Variants in CDH13 observed in about 807,000 individuals in gnomAD.
The protein encoded by CDH13 is cadherin 13.
In CDH13, 24 loss-of-function variants were observed where a neutral mutation model predicts 63.8. The observed-to-expected ratio is 0.38, with a 90% CI of 0.27 to 0.53. The LOEUF (loss-of-function observed/expected upper bound fraction) is 0.53. Among genes scored for constraint, CDH13 ranks in the 20% least tolerant of loss-of-function variants. The pLI, the probability that CDH13 is intolerant of heterozygous loss-of-function variation, is 0.85. For synonymous variants in CDH13, 503 were observed against 355.3 expected, an observed-to-expected ratio of 1.42 and a Z score of -4.67; for missense variants, 1,049 against 903.1, an observed-to-expected ratio of 1.16 and a Z score of -2.07.
At chr16:83,012,500 CA>C (rs1914267823) in intron 2 of CDH13, among the ~76,000 whole-genome samples, 1 of 152,046 alleles carries the variant, frequency 6.6e-6, no homozygotes, top group South Asian at 2.1e-4. Flanking sequence ...TTCACTTACA[CA>C]GTGCAGAAAA....
intron 1 of CDH13, among the ~76,000 whole-genome samples, chr16:82,667,808 C>G (rs1038404349): frequency 6.6e-6 from 1 of 152,158 alleles, no homozygotes; most frequent in African/African-American, 2.4e-5. Flanking sequence ...TTCTGTACCT[C>G]TGTCTTGCTA....
chr16:83,534,750 T>C (rs2075151263), intron 7 of CDH13, among the ~76,000 whole-genome samples: 1 of 152,222 alleles, frequency 6.6e-6, no homozygotes, highest in African/African-American at 2.4e-5. Context: ...TGCTTCTACT[T>C]CCTCACTATT....
chr16:83,201,854 C>A (rs143993897), intron 4 of CDH13, among the ~76,000 whole-genome samples: 9,439 of 152,098 alleles, frequency 0.062, 633 homozygotes, highest in African/African-American at 0.17. Context: ...GGCAGAGCTT[C>A]CAGTGAGCTG....
In CDH13 at chr16:83,169,089, T is replaced by A. The variant is rs72800262; in HGVS notation, c.483+43588T>A. The stretch of plus-strand genomic sequence containing the variant: ...GACAATTAAAACATAATTATCAAAC[T>A]TTTTTGCAAAGAAATAACACTATGG... On this transcript the variant is annotated intron_variant, in intron 4 of 13. Coordinates refer to ENST00000567109, the MANE Select transcript of CDH13 (RefSeq NM_001257.5). Among the ~76,000 whole-genome samples, 627 of 152,264 alleles carry A rather than the reference T, an allele frequency of 4.1e-3. 7 individuals are homozygous for A. The highest frequency in any genetic ancestry group is 6.9e-3 in the Non-Finnish European group (467 of 68,020).
chr16:83,712,732 A>G lies in CDH13; in HGVS notation c.1538+34271A>G, dbSNP rs192387839. On this transcript the variant is annotated intron_variant, in intron 10 of 13. Transcript: ENST00000567109. ...ATATTGCCACTTGAGTTTCAGTATTACAGACATTGTTTTCCTCTAAGTGAC... is the reference window on the plus strand; with the variant it reads ...ATATTGCCACTTGAGTTTCAGTATTGCAGACATTGTTTTCCTCTAAGTGAC... Among the ~76,000 whole-genome samples the G allele has an allele frequency of 5.3e-5, 8 of 152,342 alleles. No homozygotes were observed. The East Asian group carries it at 1.5e-3, about 29-fold the overall frequency.
At chr16:83,450,314 T>C (rs776593598) in intron 6 of CDH13, among the ~76,000 whole-genome samples, 83 of 152,160 alleles carry the variant, frequency 5.5e-4, no homozygotes, top group African/African-American at 1.9e-3. Flanking sequence ...GCTTGTTCTA[T>C]GAATTTGAAG....
chr16:83,564,165 T>C (rs183816198), intron 7 of CDH13, among the ~76,000 whole-genome samples: 179 of 152,290 alleles, frequency 1.2e-3, no homozygotes, highest in African/African-American at 4.2e-3. Flanking sequence ...CTGTTGGTAT[T>C]TATCAGGTGC....
intron 11 of CDH13, among the ~76,000 whole-genome samples, chr16:83,764,230 C>G (rs1437569092): frequency 6.6e-6 from 1 of 152,060 alleles, no homozygotes; most frequent in African/African-American, 2.4e-5. Context: ...GAGCATTTTT[C>G]TAGGGAATGG....
At chr16:83,621,661 A>G (rs896717085) in intron 8 of CDH13, among the ~76,000 whole-genome samples, 1 of 150,854 alleles carries the variant, frequency 6.6e-6, no homozygotes, top group Non-Finnish European at 1.5e-5. Flanking sequence ...TAATTTTTGT[A>G]TTTTTAGTAG....
At chr16:82,731,122 C>A (rs549797561) in intron 1 of CDH13, among the ~76,000 whole-genome samples, 2 of 152,268 alleles carry the variant, frequency 1.3e-5, no homozygotes, top group Admixed American at 1.3e-4. Context: ...ATTTATATGA[C>A]AGGAACTGGC....
chr16:83,153,124 A>G (rs1192422518), intron 4 of CDH13, among the ~76,000 whole-genome samples: 3 of 152,162 alleles, frequency 2.0e-5, no homozygotes, highest in African/African-American at 7.2e-5. Flanking sequence ...CTGGAGTTTT[A>G]TTATTACTCC....
At chr16:83,044,458 C>G (rs1186310602) in intron 3 of CDH13, among the ~76,000 whole-genome samples, 1 of 152,156 alleles carries the variant, frequency 6.6e-6, no homozygotes, top group Admixed American at 6.5e-5. Flanking sequence ...TGTCATGACA[C>G]ATTTTAAAAA....
Position 83,458,220 on chromosome 16 carries a change from C to T in CDH13, c.782-28257C>T, listed in dbSNP as rs541737401. 2.0e-5 allele frequency among the ~76,000 whole-genome samples: 3 copies of T among 152,342 alleles called. No individual in the cohort carries two copies. In the South Asian group the frequency reaches 6.2e-4, roughly 32 times the overall value. ...GGCTCCAACTCAAGATCTGCTGTTT[C>T]TCCTGTACTTGACACCTGGTTCTTT... is the stretch of plus-strand genomic sequence containing the variant. On this transcript the variant is annotated intron_variant, in intron 6 of 13. Transcript: ENST00000567109.
rs192571941 is a variant in CDH13, at chr16:82,872,644, G to A, written c.157+14171G>A. On this transcript the variant is annotated intron_variant, in intron 2 of 13. Transcript: ENST00000567109. ...CTCTATTTGTTCTTTTCACCTTAAT[G>A]TTGATGGAAATTTTTTTGGCTTGAG... Among the ~76,000 whole-genome samples, 656 of 152,286 alleles carry A rather than the reference G, an allele frequency of 4.3e-3. 2 individuals are homozygous for A. The highest frequency in any genetic ancestry group is 7.0e-3 in the Non-Finnish European group (478 of 68,022).
chr16:83,463,769 C>T (rs1158547303), intron 6 of CDH13, among the ~76,000 whole-genome samples: 1 of 152,180 alleles, frequency 6.6e-6, no homozygotes, highest in East Asian at 1.9e-4. Flanking sequence ...CACATCTCTG[C>T]ATTCCGGCCT....
chr16:83,495,975 G>A (rs1423055883), intron 7 of CDH13, among the ~76,000 whole-genome samples: 1 of 151,510 alleles, frequency 6.6e-6, no homozygotes, highest in Non-Finnish European at 1.5e-5. Context: ...CCTCTTCAAG[G>A]AGAACTACAA....
chr16:83,203,615 A>G (rs2039096136), intron 4 of CDH13, among the ~76,000 whole-genome samples: 1 of 127,552 alleles, frequency 7.8e-6, no homozygotes. Flanking sequence ...TGAACCCGGG[A>G]GGCGCCACTG....
At chr16:83,351,525 C>G (rs976748794) in intron 6 of CDH13, among the ~76,000 whole-genome samples, 1 of 152,114 alleles carries the variant, frequency 6.6e-6, no homozygotes, top group Admixed American at 6.5e-5. Flanking sequence ...TCTCTTCACT[C>G]CTCAGGGTCC....
intron 5 of CDH13, among the ~76,000 whole-genome samples, chr16:83,264,345 C>G (rs1015137767): frequency 1.3e-5 from 2 of 152,148 alleles, no homozygotes; most frequent in African/African-American, 4.8e-5. Context: ...TTTTATCAAT[C>G]TCTGACTTTT....
Sources: allele counts gnomAD v4.1 joint callset (sites outside exome capture counted in the v4.1 genomes callset), GRCh38; gene constraint gnomAD v4.1.1; transcripts MANE v1.5; gene names NCBI Gene and HGNC (gene_info 2026-07-23, HGNC 2026-07-21).